The following CPS1 variants were observed in gnomAD, a reference collection of about 807,000 sequenced individuals.
CPS1 encodes carbamoyl-phosphate synthase 1, also known as carbamoyl-phosphate synthase [ammonia], mitochondrial.
Under a neutral mutation model 174.6 loss-of-function variants are expected in CPS1, and 109 were observed. The ratio of observed to expected loss-of-function variants is 0.62; its 90% CI spans 0.53 to 0.73. The LOEUF is 0.73. Ranked by LOEUF, CPS1 falls within the 30% of genes least tolerant of loss-of-function variation. The pLI is 0.00. For synonymous variants in CPS1, 637 were observed against 632.0 expected (o/e 1.01, Z -0.12); for missense variants, 1,689 against 1,821.9 (o/e 0.93, Z 1.33).
intron 21 of CPS1, 106 bp from the exon 22 acceptor site, chr2:210,637,596 T>A: frequency 8.6e-7 from 1 of 1,157,510 alleles, no homozygotes; most frequent in East Asian, 2.3e-5. Context: ...TAAATATGTT[T>A]GAAGGTGGAA....
In CPS1 at chr2:210,510,386, A is replaced by G. The variant is rs546116893; in HGVS notation, c.3+32620A>G. ...TTATACAAAAATTAATTCAAGATGGATTAAAGATTTAAATGTTAGACCTAA... is the reference window on the plus strand; with the variant it reads ...TTATACAAAAATTAATTCAAGATGGGTTAAAGATTTAAATGTTAGACCTAA... On this transcript the variant is annotated intron_variant, in intron 1 of 38. Transcript: ENST00000430249. Among the ~76,000 whole-genome samples the G allele has an allele frequency of 3.8e-3, 572 of 152,360 alleles. 3 individuals are homozygous for G. Among genetic ancestry groups the G allele is most frequent in the Non-Finnish European group, 6.9e-3 (472 of 68,036 alleles).
At chr2:210,638,777 C>G (rs147434804) in intron 22 of CPS1, among the ~76,000 whole-genome samples, 31 of 152,282 alleles carry the variant, frequency 2.0e-4, no homozygotes, top group African/African-American at 7.5e-4. Context: ...AATTTGCAAG[C>G]CAAAGAGATC....
In CPS1 at chr2:210,592,902, CT is replaced by C. The variant is rs2106113137; in HGVS notation, c.1112del (p.Phe371SerfsTer15). On this transcript the variant is annotated frameshift_variant, in exon 11 of 38. Transcript: ENST00000233072. LOFTEE classifies it high-confidence loss of function. ...NEGIMHESKP[F>X]FAVQFHPEVT... ...AGGGGATTATGCATGAGAGCAAACCCTTCTTCGCTGTGCAGTTCCACCCAGA... is the reference window on the plus strand; with the variant it reads ...AGGGGATTATGCATGAGAGCAAACCCTCTTCGCTGTGCAGTTCCACCCAGA... 1 of 1,612,480 alleles carries C rather than the reference CT, an allele frequency of 6.2e-7. No homozygotes were observed. Among genetic ancestry groups the C allele is most frequent in the Middle Eastern group, 1.7e-4 (1 of 6,050 alleles).
At chr2:210,638,027 A>G (rs1033856588) in intron 22 of CPS1, among the ~76,000 whole-genome samples, 184 bp downstream of exon 22, 1 of 152,258 alleles carries the variant, frequency 6.6e-6, no homozygotes, top group South Asian at 2.1e-4. Context: ...TTTACTTAAA[A>G]GGGAAAGAAG....
In CPS1 at chr2:210,660,570, A is replaced by G; in HGVS notation, c.3842A>G (p.Lys1281Arg). 1 of 1,614,140 alleles carries G rather than the reference A, an allele frequency of 6.2e-7. No individual in the cohort carries two copies. Among genetic ancestry groups the G allele is most frequent in the Non-Finnish European group, 8.5e-7 (1 of 1,179,976 alleles). Residue 1281 changes from lysine to arginine, a missense_variant, in exon 32 of 38, where the codon AAG becomes AGG. Physicochemically the swap from Lys to Arg is conservative, Grantham distance 26. Coordinates refer to ENST00000233072, the MANE Select transcript of CPS1 (RefSeq NM_001875.5). ...LGVDFIDVAT[K>R]VMIGENVDEK... ...GTTGACTTCATTGATGTGGCCACCA[A>G]GGTGATGATTGGAGAGAATGTTGAT... is the stretch of plus-strand genomic sequence containing the variant.
intron 1 of CPS1, among the ~76,000 whole-genome samples, chr2:210,536,685 A>T (rs1349682936): frequency 2.0e-5 from 3 of 152,194 alleles, no homozygotes; most frequent in Non-Finnish European, 4.4e-5. Context: ...TTGAGCTAGT[A>T]GATCTTCAAA....
chr2:210,647,736 G>A, intron 25 of CPS1, 127 bp from the exon 26 acceptor site: 1 of 1,199,682 alleles, frequency 8.3e-7, no homozygotes, highest in Non-Finnish European at 1.2e-6. Context: ...GTATTCATTG[G>A]TAGGAGAGAT....
chr2:210,573,365 C>T lies in CPS1; in HGVS notation c.194C>T (p.Ser65Phe), dbSNP rs375979196. The change falls in exon 2 of 38, where the codon TCC becomes TTC. Residue 65 changes from serine (S) to phenylalanine (F), a missense_variant. Ser to Phe is a radical substitution (Grantham distance 155). Coordinates refer to ENST00000233072, the MANE Select transcript of CPS1 (RefSeq NM_001875.5). ...AAAGGTTACTCCTTTGGCCATCCAT[C>T]CTCTGTTGCTGGTGAAGTGGTTTTT... The part of the protein sequence containing the change: ...KMKGYSFGHP[S>F]SVAGEVVFNT... The T allele has an allele frequency of 4.3e-5, 69 of 1,613,236 alleles. No individual in the cohort carries two copies. The highest frequency in any genetic ancestry group is 5.8e-5 in the Non-Finnish European group (68 of 1,179,306).
chr2:210,548,381 G>T (rs1220903481), intron 1 of CPS1, among the ~76,000 whole-genome samples: 2 of 151,954 alleles, frequency 1.3e-5, no homozygotes, highest in Non-Finnish European at 2.9e-5. Context: ...GTTCAAGAAT[G>T]CTCTTTTGAA....
chr2:210,624,588 T>G (rs1470601444), intron 21 of CPS1, among the ~76,000 whole-genome samples: 1 of 152,068 alleles, frequency 6.6e-6, no homozygotes, highest in East Asian at 1.9e-4. Flanking sequence ...TAAAAGGATA[T>G]TTTAGGTGAT....
intron 33 of CPS1, among the ~76,000 whole-genome samples, chr2:210,665,099 CAATTCTTTTCAATAGA>C (rs1701047953): frequency 6.6e-6 from 1 of 152,148 alleles, no homozygotes; most frequent in Admixed American, 6.5e-5. Context: ...TGGGATTACC[CAATTCTTTTCAATAGA>C]ATTTGAGACT....
chr2:210,643,366 G>A (rs908033757), intron 25 of CPS1, among the ~76,000 whole-genome samples: 1 of 152,088 alleles, frequency 6.6e-6, no homozygotes, highest in African/African-American at 2.4e-5. Context: ...ATGTCCAGTA[G>A]TTAGGCCTTT....
rs200956090 is a variant in CPS1 at position 210,637,870 on chromosome 2, C to T, written c.2829+27C>T. 21 of 1,612,922 alleles carry T rather than the reference C, an allele frequency of 1.3e-5. No homozygotes were observed. The East Asian group carries it at 4.2e-4, about 33-fold the overall frequency. On this transcript the variant is annotated intron_variant, in intron 22 of 37. Coordinates refer to ENST00000233072, the MANE Select transcript of CPS1 (RefSeq NM_001875.5). ...TAAAGGAGTTTCCCTTTTCCCCCAT[C>T]CCCCACTGACAGGATTTCTGTGGTA...
In CPS1 at chr2:210,588,142, G is replaced by A; in HGVS notation, c.706G>A (p.Val236Ile). Residue 236 changes from valine to isoleucine, a missense_variant, in exon 7 of 38, where the codon GTA (valine) becomes ATA (isoleucine). By Grantham distance (29) the Val-to-Ile change is conservative. Coordinates refer to ENST00000233072, the MANE Select transcript of CPS1 (RefSeq NM_001875.5). Reference protein sequence around the residue: ...GIKNNVIRLLVKRGAEVHLVP... With the variant: ...GIKNNVIRLLIKRGAEVHLVP... ...TAAAAACAATGTAATCCGCCTGCTA[G>A]TAAAGGTAAGTAATTTGTTCATTTC... The A allele has an allele frequency of 1.2e-6, 2 of 1,611,972 alleles. No homozygotes were observed. Among genetic ancestry groups the A allele is most frequent in the Non-Finnish European group, 1.7e-6 (2 of 1,178,424 alleles).
chr2:210,654,146 AT>A, intron 29 of CPS1, 44 bp downstream of exon 29: 1 of 1,549,614 alleles, frequency 6.5e-7, no homozygotes, highest in Non-Finnish European at 8.9e-7. Context: ...CCTTCTCATC[AT>A]TTTTTTCTTT....
intron 4 of CPS1, 137 bp downstream of exon 4, chr2:210,577,647 A>G (rs1166222496): frequency 5.3e-6 from 4 of 758,994 alleles, no homozygotes; most frequent in Non-Finnish European, 9.6e-6. Flanking sequence ...TCCTTCTCTT[A>G]CTACATAAAG....
chr2:210,582,505 G>A, intron 5 of CPS1, 112 bp from the exon 6 acceptor site: 1 of 802,104 alleles, frequency 1.2e-6, no homozygotes, highest in Non-Finnish European at 2.2e-6. Flanking sequence ...GTTACGAGTA[G>A]TTATAAAGAC....
At chr2:210,580,437 T>G (rs1052433225) in intron 5 of CPS1, among the ~76,000 whole-genome samples, 1 of 152,064 alleles carries the variant, frequency 6.6e-6, no homozygotes, top group Non-Finnish European at 1.5e-5. Context: ...TTATTTTACT[T>G]GAAATTTCCA....
intron 21 of CPS1, chr2:210,617,521 A>G (rs1699351831): frequency 6.6e-6 from 1 of 152,066 alleles, no homozygotes; most frequent in Non-Finnish European, 1.5e-5. Context: ...CAATTGCAAC[A>G]TATACTTGGG....
Sources: gnomAD v4.1 joint callset for allele counts (sites outside exome capture counted in the v4.1 genomes callset) on GRCh38, gnomAD v4.1.1 for gene constraint, MANE v1.5 for transcripts, NCBI Gene and HGNC (gene_info 2026-07-23, HGNC 2026-07-21) for gene names.